The following ZNF112 variants were observed in gnomAD, a reference collection of about 807,000 sequenced individuals.
ZNF112 encodes zinc finger protein 112 (Y14).
ZNF112 carries 37 observed loss-of-function variants against 77.7 expected under a neutral mutation model. The ratio of observed to expected loss-of-function variants is 0.48; its 90% CI spans 0.37 to 0.63. The LOEUF (loss-of-function observed/expected upper bound fraction) is 0.63. ZNF112 is among the 20% of genes least tolerant of loss of function. The pLI is 0.00. For missense variants in ZNF112, 950 were observed against 1,077.4 expected (o/e 0.88, Z 1.66); for synonymous variants, 333 against 363.6 (o/e 0.92, Z 0.96).
chr19:44,342,964 A>G (rs917425757), intron 1 of ZNF112, among the ~76,000 whole-genome samples: 2 of 152,158 alleles, frequency 1.3e-5, no homozygotes, highest in Non-Finnish European at 2.9e-5. Context: ...GTTATATTTA[A>G]AAAAATGACC....
intron 1 of ZNF112, among the ~76,000 whole-genome samples, chr19:44,346,423 T>A (rs1360253743): frequency 1.3e-5 from 2 of 152,222 alleles, no homozygotes; most frequent in East Asian, 3.8e-4. Flanking sequence ...TTCATTATCA[T>A]CACTATGAAA....
chr19:44,354,938 C>T (rs879779965), intron 1 of ZNF112, among the ~76,000 whole-genome samples: 22 of 152,142 alleles, frequency 1.4e-4, no homozygotes, highest in Non-Finnish European at 1.6e-4. Flanking sequence ...CTTAGAGTAG[C>T]TGCTGGCATT....
intron 1 of ZNF112, among the ~76,000 whole-genome samples, chr19:44,345,341 G>T (rs1970568301): frequency 6.6e-6 from 1 of 152,186 alleles, no homozygotes; most frequent in Non-Finnish European, 1.5e-5. Context: ...AAGGGCCTGG[G>T]AGCCAGGCCT....
intron 1 of ZNF112, chr19:44,343,308 A>G (rs1480041312): frequency 6.2e-7 from 1 of 1,602,146 alleles, no homozygotes; most frequent in Admixed American, 1.7e-5. Flanking sequence ...GAGACCTGAG[A>G]AGGCAGAACA....
Position 44,329,738 on chromosome 19 carries a change from C to A in ZNF112, c.419G>T (p.Gly140Val). 2 of 1,614,014 alleles carry A rather than the reference C, an allele frequency of 1.2e-6. No individual in the cohort carries two copies. The highest frequency in any genetic ancestry group is 1.7e-6 in the Non-Finnish European group (2 of 1,180,000). The change falls in exon 4 of 4, where the codon GGA becomes GTA. Residue 140 changes from glycine to valine, a missense_variant. Gly to Val is a moderately radical substitution (Grantham distance 109). Around this residue, in one of 3 missense-constraint regions of ZNF112, gnomAD observed 560 missense variants for 557.3 expected, o/e 1.00. Coordinates refer to ENST00000354340, the MANE Select transcript of ZNF112 (RefSeq NM_013380.4). ...QGNSLGQVWA[G>V]IPVQISEDKN... is the part of the protein sequence containing the mutation. ...ATCTTCAGAAATCTGAACTGGTATTCCTGCCCAAACCTGGCCGAGGGAATT... is the reference window on the plus strand; with the variant it reads ...ATCTTCAGAAATCTGAACTGGTATTACTGCCCAAACCTGGCCGAGGGAATT...
rs1386683217 is a variant in ZNF112, at chr19:44,328,321, G to T, written c.1836C>A (p.Phe612Leu). 1 of 1,613,806 alleles carries T rather than the reference G, an allele frequency of 6.2e-7. No homozygotes were observed. Among genetic ancestry groups the T allele is most frequent in the Admixed American group, 1.7e-5 (1 of 60,000 alleles). The part of the protein sequence containing the change: ...PYKCEECGKG[F>L]SRSSHLQGHQ... Reference sequence around the variant, plus strand: ...GGCCTTGAAGGTGTGAACTCCGACTGAAGCCCTTCCCACACTCCTCACACT... The same window carrying T: ...GGCCTTGAAGGTGTGAACTCCGACTTAAGCCCTTCCCACACTCCTCACACT... The change falls in exon 4 of 4, where the codon TTC (phenylalanine) becomes TTA (leucine). Residue 612 changes from phenylalanine (F) to leucine (L), a missense_variant. Physicochemically the swap from Phe to Leu is conservative, Grantham distance 22. Around this residue, in one of 3 missense-constraint regions of ZNF112, gnomAD observed 373 missense variants for 482.8 expected, o/e 0.77. Coordinates refer to ENST00000354340, the MANE Select transcript of ZNF112 (RefSeq NM_013380.4).
chr19:44,366,163 A>G (rs912625385), intron 1 of ZNF112, among the ~76,000 whole-genome samples: 1 of 152,220 alleles, frequency 6.6e-6, no homozygotes, highest in Non-Finnish European at 1.5e-5. Context: ...CATCCTGGGC[A>G]ACACAGTAAG....
At chr19:44,354,209 G>A (rs1970743453) in intron 1 of ZNF112, among the ~76,000 whole-genome samples, 1 of 152,082 alleles carries the variant, frequency 6.6e-6, no homozygotes, top group South Asian at 2.1e-4. Flanking sequence ...GTGGTTACAG[G>A]TATGGTGAGG....
chr19:44,361,269 G>A (rs1034197654), upstream of ZNF112, among the ~76,000 whole-genome samples: 2 of 152,142 alleles, frequency 1.3e-5, no homozygotes, highest in Admixed American at 1.3e-4. Context: ...TGAGAGTGGG[G>A]TGTTTGCAAT....
chr19:44,351,996 A>T (rs946604208), intron 1 of ZNF112, among the ~76,000 whole-genome samples: 1 of 152,126 alleles, frequency 6.6e-6, no homozygotes, highest in Non-Finnish European at 1.5e-5. Flanking sequence ...AAAATTCTAC[A>T]TACTGCATTG....
upstream of ZNF112, among the ~76,000 whole-genome samples, chr19:44,358,318 A>C (rs1410962323): frequency 1.3e-5 from 2 of 152,222 alleles, no homozygotes; most frequent in African/African-American, 4.8e-5. Context: ...AATTTTAAAA[A>C]TAAAAGGGAC....
chr19:44,357,979 C>T (rs1435326069), upstream of ZNF112, among the ~76,000 whole-genome samples: 12 of 151,992 alleles, frequency 7.9e-5, no homozygotes, highest in Non-Finnish European at 1.6e-4. Flanking sequence ...GGTGAAACCC[C>T]GTCTCTACAA....
chr19:44,354,053 T>C (rs1278276766), intron 1 of ZNF112, among the ~76,000 whole-genome samples: 2 of 152,162 alleles, frequency 1.3e-5, no homozygotes, highest in Non-Finnish European at 2.9e-5. Context: ...GAAGTATTGA[T>C]ACGTATAACA....
At position 44,336,472 on chromosome 19, in the gene ZNF112, C is replaced by T. The variant is rs1393878093; in HGVS notation, c.220+151G>A. On this transcript the variant is annotated intron_variant, in intron 3 of 3. Coordinates refer to ENST00000354340, the MANE Select transcript of ZNF112 (RefSeq NM_013380.4). Reference sequence around the variant, plus strand: ...GAGAAGAGGTTGAGGGGACAGATACCTTAGGACCTAATAGACCACTTTAAG... The same window carrying T: ...GAGAAGAGGTTGAGGGGACAGATACTTTAGGACCTAATAGACCACTTTAAG... 6.6e-6 allele frequency: 4 copies of T among 606,794 alleles called. No homozygotes were observed. The East Asian group carries it at 1.1e-4, about 17-fold the overall frequency. The allele number at this position is 606,794 out of a possible 1,614,324, so 37.6% of individuals were successfully genotyped here.
At chr19:44,331,685 T>A (rs1225224643) in intron 3 of ZNF112, among the ~76,000 whole-genome samples, 1 of 152,234 alleles carries the variant, frequency 6.6e-6, no homozygotes, top group East Asian at 1.9e-4. Context: ...AACACTGTTT[T>A]GTGCACTGCA....
chr19:44,341,216 C>T (rs759306866), intron 1 of ZNF112: 4 of 456,424 alleles, frequency 8.8e-6, no homozygotes, highest in South Asian at 6.2e-5. Context: ...TTAATATTTT[C>T]ATTATATCTT....
chr19:44,359,400 T>G (rs1970832678), upstream of ZNF112, among the ~76,000 whole-genome samples: 1 of 137,432 alleles, frequency 7.3e-6, no homozygotes, highest in Non-Finnish European at 1.5e-5. Context: ...CTCGGTTCAC[T>G]GCAACCTCTG....
chr19:44,333,639 C>G (rs914236734), intron 3 of ZNF112, among the ~76,000 whole-genome samples: 4 of 152,190 alleles, frequency 2.6e-5, no homozygotes, highest in Admixed American at 1.3e-4. Flanking sequence ...TTCCTGCCCT[C>G]TTTCTCTTCC....
In ZNF112 at chr19:44,327,505, T is replaced by G. The variant is rs144502127; in HGVS notation, c.2652A>C (p.Lys884Asn). 199 of 1,613,926 alleles carry G rather than the reference T, an allele frequency of 1.2e-4. No homozygotes were observed. In the African/African-American group the frequency reaches 2.5e-3, roughly 20 times the overall value. ...GGTAGTCCTTACCATAGTCTTCGCT[T>G]TTATAGAATTTATCACTACTATGGA... ...QRVHSSDKFY[K>N]SEDYGKDYPS... The change falls in exon 4 of 4, where the codon AAA (lysine) becomes AAC (asparagine). Residue 884 changes from lysine (K) to asparagine (N), a missense_variant. Lys to Asn is a moderately conservative substitution (Grantham distance 94, BLOSUM62 0). Coordinates refer to ENST00000354340, the MANE Select transcript of ZNF112 (RefSeq NM_013380.4).
Sources: allele counts gnomAD v4.1 joint callset (sites outside exome capture counted in the v4.1 genomes callset), GRCh38; gene constraint gnomAD v4.1.1; regional missense constraint gnomAD v4.1.1; transcripts MANE v1.5; gene names NCBI Gene and HGNC (gene_info 2026-07-23, HGNC 2026-07-21).